HPGD: variants seen among roughly 807,000 people sequenced by gnomAD.
HPGD encodes 15-hydroxyprostaglandin dehydrogenase.
Under a neutral mutation model 30.0 loss-of-function variants are expected in HPGD, and 29 were observed. That is an observed-to-expected ratio of 0.97 (90% CI 0.72 to 1.32). HPGD has a LOEUF of 1.32. Among genes scored for constraint, HPGD ranks in the 40% most tolerant of loss-of-function variants. The pLI is 0.00. For synonymous variants in HPGD, 99 were observed against 112.4 expected, an observed-to-expected ratio of 0.88 and a Z score of 0.75; for missense variants, 340 against 322.1, an observed-to-expected ratio of 1.06 and a Z score of -0.43.
chr4:174,517,554 G>A (rs1365310448), intron 3 of HPGD, among the ~76,000 whole-genome samples: 1 of 152,118 alleles, frequency 6.6e-6, no homozygotes, highest in African/African-American at 2.4e-5. Flanking sequence ...AATGACTGTG[G>A]CTGTGTTCCA....
chr4:174,496,557 G>T lies in HPGD; in HGVS notation c.422-933C>A, dbSNP rs1734607017. Among the ~76,000 whole-genome samples, 1 of 152,074 alleles carries T rather than the reference G, an allele frequency of 6.6e-6. No individual in the cohort carries two copies. Among genetic ancestry groups the T allele is most frequent in the African/African-American group, 2.4e-5 (1 of 41,412 alleles). ...ATCAAATTGAACCAGAGTCATTCTT[G>T]TATTTGTTTTTGACTAATTTGGATT... On this transcript the variant is annotated intron_variant, in intron 4 of 6. Coordinates refer to ENST00000296522, the MANE Select transcript of HPGD (RefSeq NM_000860.6). This position sits in a 1 kb window ranked among gnomAD's most constrained non-coding sequence, Gnocchi z 4.6.
At chr4:174,502,571 A>G (rs370406618) in intron 4 of HPGD, among the ~76,000 whole-genome samples, 13 of 150,148 alleles carry the variant, frequency 8.7e-5, no homozygotes, top group South Asian at 4.3e-4. Context: ...TCAGCTACTC[A>G]GGAGGCTGAG....
At position 174,496,307 on chromosome 4, in the gene HPGD, G is replaced by A. The variant is rs1314273526; in HGVS notation, c.422-683C>T. Among the ~76,000 whole-genome samples, 1 of 152,068 alleles carries A rather than the reference G, an allele frequency of 6.6e-6. No homozygotes were observed. Among genetic ancestry groups the A allele is most frequent in the African/African-American group, 2.4e-5 (1 of 41,414 alleles). ...TATGAAATTCAATCAATTACAGAAT[G>A]TTTTATTTTGTAATTTTCCACATAT... On this transcript the variant is annotated intron_variant, in intron 4 of 6. Coordinates refer to ENST00000296522, the MANE Select transcript of HPGD (RefSeq NM_000860.6). The surrounding 1 kb of genome is among the most constrained non-coding windows in gnomAD (Gnocchi z 4.6).
At chr4:174,518,920 A>G (rs182783997) in intron 2 of HPGD, among the ~76,000 whole-genome samples, 35 of 152,304 alleles carry the variant, frequency 2.3e-4, no homozygotes, top group African/African-American at 7.9e-4. Flanking sequence ...CACTATGGAT[A>G]AAAATTGTGG....
intron 4 of HPGD, among the ~76,000 whole-genome samples, chr4:174,508,364 C>G (rs1007912097): frequency 3.3e-5 from 5 of 152,126 alleles, no homozygotes; most frequent in Admixed American, 2.0e-4. Flanking sequence ...CACTTTAGTG[C>G]TTTTTACTTT....
intron 2 of HPGD, among the ~76,000 whole-genome samples, chr4:174,519,371 G>A (rs6849981): frequency 0.091 from 13,803 of 151,866 alleles, 731 homozygotes; most frequent in Middle Eastern, 0.14. Context: ...CCACCACCAC[G>A]CCCGGCTAAT....
At chr4:174,514,742 G>A (rs931396489) in intron 3 of HPGD, among the ~76,000 whole-genome samples, 2 of 152,034 alleles carry the variant, frequency 1.3e-5, no homozygotes, top group Middle Eastern at 3.4e-3. Context: ...TTTTGCAAAC[G>A]GTATGATTCT....
At position 174,490,377 on chromosome 4, in the gene HPGD, T is replaced by G. The variant is rs187895645; in HGVS notation, c.*1579A>C. 1 of 152,462 alleles carries G rather than the reference T, an allele frequency of 6.6e-6. No individual in the cohort carries two copies. The highest frequency in any genetic ancestry group is 1.9e-4 in the East Asian group (1 of 5,332). 9.4% of individuals were successfully genotyped at this position (152,462 alleles called of 1,614,324 possible). ...AATTTATTGATTTGAAAAAATTAATTCAAAGCAGAATGTATATTGAAGGCT... is the reference window on the plus strand; with the variant it reads ...AATTTATTGATTTGAAAAAATTAATGCAAAGCAGAATGTATATTGAAGGCT... On this transcript the variant is annotated 3_prime_UTR_variant, in exon 7 of 7. Transcript: ENST00000296522. This position sits in a 1 kb window ranked among gnomAD's most constrained non-coding sequence, Gnocchi z 4.4.
chr4:174,510,104 G>A (rs563705249), intron 3 of HPGD, among the ~76,000 whole-genome samples: 16 of 152,166 alleles, frequency 1.1e-4, no homozygotes, highest in African/African-American at 3.4e-4. Flanking sequence ...TAGGTAATGC[G>A]TCTGAAACGG....
intron 3 of HPGD, among the ~76,000 whole-genome samples, chr4:174,509,109 A>G (rs1735338013): frequency 6.6e-6 from 1 of 152,082 alleles, no homozygotes; most frequent in South Asian, 2.1e-4. Context: ...ATAATTCCAT[A>G]TATTCTTTTT....
chr4:174,504,561 A>C (rs1436760523), intron 4 of HPGD, among the ~76,000 whole-genome samples: 1 of 151,736 alleles, frequency 6.6e-6, no homozygotes, highest in Non-Finnish European at 1.5e-5. Flanking sequence ...TAATCCCAGC[A>C]CTTCGGGAGG....
At chr4:174,497,573 T>TCC (rs1734680664) in intron 4 of HPGD, among the ~76,000 whole-genome samples, 1 of 82,126 alleles carries the variant, frequency 1.2e-5, no homozygotes, top group Admixed American at 1.3e-4. Context: ...TCTTTCTTTT[T>TCC]TTTTTTTTTT....
At chr4:174,513,287 G>A (rs188255972) in intron 3 of HPGD, among the ~76,000 whole-genome samples, 12 of 152,138 alleles carry the variant, frequency 7.9e-5, no homozygotes, top group Admixed American at 2.6e-4. Context: ...AGAAAATCTC[G>A]TCATTTAATG....
chr4:174,505,920 T>C (rs1047355909), intron 4 of HPGD, among the ~76,000 whole-genome samples: 1 of 152,218 alleles, frequency 6.6e-6, no homozygotes, highest in Non-Finnish European at 1.5e-5. Flanking sequence ...AAGCAGTTTG[T>C]AATGCAATAT....
chr4:174,495,371 ATCTATTAT>A, intron 5 of HPGD, 169 bp downstream of exon 5: 1 of 620,582 alleles, frequency 1.6e-6, no homozygotes, highest in East Asian at 2.8e-5. Context: ...TTTAAAAATG[ATCTATTAT>A]TTATTTGGTT....
At chr4:174,501,981 G>A (rs962740676) in intron 4 of HPGD, among the ~76,000 whole-genome samples, 1 of 152,168 alleles carries the variant, frequency 6.6e-6, no homozygotes, top group Non-Finnish European at 1.5e-5. Flanking sequence ...TTTAAGGAGA[G>A]AGAAACCATG....
Position 174,522,379 on chromosome 4 carries a change from G to A in HPGD, c.73C>T (p.Leu25=), listed in dbSNP as rs1489431364. 2 of 1,573,024 alleles carry A rather than the reference G, an allele frequency of 1.3e-6. No homozygotes were observed. Among genetic ancestry groups the A allele is most frequent in the Non-Finnish European group, 1.7e-6 (2 of 1,159,534 alleles). Residue 25 remains leucine (L), a synonymous_variant, in exon 1 of 7, where the codon CTG becomes TTG. Transcript: ENST00000296522. ...CTTACCTTGGCGCCCTTAAGCAGCAGCGCCTCTGCAAAGGCTCTGCCTATG... is the reference window on the plus strand; with the variant it reads ...CTTACCTTGGCGCCCTTAAGCAGCAACGCCTCTGCAAAGGCTCTGCCTATG... The part of the protein sequence containing the change: ...QGIGRAFAEA[L]LLKGAKVALV...
chr4:174,507,639 T>C (rs1377038462), intron 4 of HPGD: 1 of 152,638 alleles, frequency 6.6e-6, no homozygotes, highest in Non-Finnish European at 1.5e-5. Context: ...TTGGACAAGA[T>C]AGCTTAGATT....
chr4:174,499,024 G>A (rs1053516916), intron 4 of HPGD, among the ~76,000 whole-genome samples: 52 of 152,140 alleles, frequency 3.4e-4, no homozygotes, highest in African/African-American at 1.3e-3. Context: ...CTACTGTGGT[G>A]TAGCTTCAGG....
Sources: allele counts gnomAD v4.1 joint callset (sites outside exome capture counted in the v4.1 genomes callset), GRCh38; gene constraint gnomAD v4.1.1; non-coding constraint Gnocchi (gnomAD v3.1); transcripts MANE v1.5; gene names NCBI Gene and HGNC (gene_info 2026-07-23, HGNC 2026-07-21).